GULP1: variants seen among roughly 807,000 people sequenced by gnomAD.
GULP1 encodes PTB domain-containing engulfment adapter protein 1.
In GULP1, 19 loss-of-function variants were observed where a neutral mutation model predicts 40.9. The observed-to-expected ratio is 0.46, with a 90% CI of 0.32 to 0.68. The LOEUF is 0.68. Ranked by LOEUF, GULP1 falls within the 30% of genes least tolerant of loss-of-function variation. The probability of loss-of-function intolerance (pLI) is 0.03; values close to 1 mark genes in which losing one functional copy is unlikely to be tolerated. For synonymous variants in GULP1, 119 were observed against 117.6 expected, an observed-to-expected ratio of 1.01 and a Z score of -0.08; for missense variants, 312 against 362.2, an observed-to-expected ratio of 0.86 and a Z score of 1.12.
chr2:188,540,303 A>T (rs1349707221), intron 6 of GULP1, among the ~76,000 whole-genome samples: 1 of 152,108 alleles, frequency 6.6e-6, no homozygotes, highest in African/African-American at 2.4e-5. Context: ...GATGATCTAT[A>T]TGAATATAAA....
At chr2:188,381,104 A>G (rs2048950005) in intron 1 of GULP1, among the ~76,000 whole-genome samples, 2 of 152,142 alleles carry the variant, frequency 1.3e-5, no homozygotes, top group African/African-American at 2.4e-5. Context: ...AAATAAAAAT[A>G]TGTTCAAAAG....
chr2:188,351,915 T>G (rs1221366980), intron 1 of GULP1, among the ~76,000 whole-genome samples: 1 of 152,200 alleles, frequency 6.6e-6, no homozygotes. Flanking sequence ...CTTTGTTAAA[T>G]AAAGAAGGCA....
chr2:188,567,546 C>T (rs1335055435), intron 7 of GULP1, among the ~76,000 whole-genome samples: 1 of 152,058 alleles, frequency 6.6e-6, no homozygotes, highest in East Asian at 1.9e-4. Flanking sequence ...GAACAGAAAA[C>T]CAAACACCAC....
chr2:188,306,620 G>A (rs755625991), intron 1 of GULP1, among the ~76,000 whole-genome samples: 4 of 152,158 alleles, frequency 2.6e-5, no homozygotes, highest in African/African-American at 7.2e-5. Context: ...TGAAAATAGA[G>A]CTAGAGAATA....
intron 1 of GULP1, among the ~76,000 whole-genome samples, chr2:188,331,193 A>T (rs1645502668): frequency 6.6e-6 from 1 of 152,118 alleles, no homozygotes; most frequent in Non-Finnish European, 1.5e-5. Context: ...GAGTCTTAGG[A>T]TCTTACAGTT....
intron 7 of GULP1, among the ~76,000 whole-genome samples, chr2:188,551,136 G>T (rs1693355119): frequency 6.6e-6 from 1 of 151,622 alleles, no homozygotes; most frequent in Non-Finnish European, 1.5e-5. Context: ...TTATGGAGTA[G>T]ATGTGAAACA....
At chr2:188,337,265 A>T (rs1323418096) in intron 1 of GULP1, among the ~76,000 whole-genome samples, 1 of 151,760 alleles carries the variant, frequency 6.6e-6, no homozygotes, top group Non-Finnish European at 1.5e-5. Context: ...CAGCCTCCTG[A>T]GTAGCTGGGA....
intron 4 of GULP1, among the ~76,000 whole-genome samples, chr2:188,492,131 T>C (rs1039381822): frequency 1.3e-5 from 2 of 152,054 alleles, no homozygotes; most frequent in Non-Finnish European, 2.9e-5. Flanking sequence ...TGCTGGGATA[T>C]GGTGTAATTC....
intron 1 of GULP1, among the ~76,000 whole-genome samples, chr2:188,381,468 T>G (rs1023312733): frequency 2.0e-5 from 3 of 152,162 alleles, no homozygotes; most frequent in African/African-American, 7.2e-5. Context: ...TTAGATCAAT[T>G]GAAGAGTTTT....
chr2:188,577,575 T>C (rs1354308433), intron 9 of GULP1, among the ~76,000 whole-genome samples: 4 of 152,134 alleles, frequency 2.6e-5, no homozygotes, highest in African/African-American at 9.6e-5. Context: ...TATGTTCCCA[T>C]TCCAGTTCTG....
intron 4 of GULP1, among the ~76,000 whole-genome samples, chr2:188,496,599 A>AT (rs1238755217): frequency 6.6e-6 from 1 of 151,912 alleles, no homozygotes; most frequent in Non-Finnish European, 1.5e-5. Context: ...AACCTTTAAA[A>AT]TTTAAGCAAT....
intron 2 of GULP1, among the ~76,000 whole-genome samples, chr2:188,432,531 T>G (rs2056984906): frequency 6.6e-6 from 1 of 152,020 alleles, no homozygotes; most frequent in African/African-American, 2.4e-5. Flanking sequence ...ACTGAATATC[T>G]TTTTTATCAA....
chr2:188,333,939 G>T (rs962802003), intron 1 of GULP1, among the ~76,000 whole-genome samples: 1 of 152,100 alleles, frequency 6.6e-6, no homozygotes, highest in Non-Finnish European at 1.5e-5. Context: ...CACATAGGCA[G>T]GGACTCCGTG....
intron 11 of GULP1, chr2:188,589,322 G>T (rs1033805398): frequency 6.5e-6 from 1 of 152,708 alleles, no homozygotes. Flanking sequence ...TATTTCAAAC[G>T]CTATGAAACT....
At chr2:188,548,409 T>C (rs1692532028) in intron 7 of GULP1, among the ~76,000 whole-genome samples, 2 of 152,100 alleles carry the variant, frequency 1.3e-5, no homozygotes, top group South Asian at 4.1e-4. Context: ...AAGTGAAATT[T>C]GTATGCTGAA....
rs578003996 is a variant in GULP1 at position 188,352,618 on chromosome 2, T to TCTCACACACACACACA, written c.-171-31144_-171-31143insTCACACACACACACAC. Among the ~76,000 whole-genome samples, 1,164 of 134,450 alleles carry TCTCACACACACACACA rather than the reference T, an allele frequency of 8.7e-3. 17 individuals are homozygous for TCTCACACACACACACA. Among genetic ancestry groups the TCTCACACACACACACA allele is most frequent in the East Asian group, 0.051 (217 of 4,288 alleles). 88.2% of individuals were successfully genotyped at this position (134,450 alleles called of 152,430 possible). ...TGCTCTCTTTCTCTCTCTCTCTCTC[T>TCTCACACACACACACA]CACACACACACACACACACACACAC... On this transcript the variant is annotated intron_variant, in intron 1 of 11. Coordinates refer to ENST00000409830, the MANE Select transcript of GULP1 (RefSeq NM_016315.4).
chr2:188,433,997 T>G (rs183334196), intron 2 of GULP1, among the ~76,000 whole-genome samples: 91 of 152,052 alleles, frequency 6.0e-4, no homozygotes, highest in Middle Eastern at 3.4e-3. Flanking sequence ...TCCCCCCACT[T>G]TTTTTTAACT....
At chr2:188,384,977 G>C (rs534453894) in intron 2 of GULP1, among the ~76,000 whole-genome samples, 2 of 152,282 alleles carry the variant, frequency 1.3e-5, no homozygotes, top group Admixed American at 1.3e-4. Context: ...TTGAGTGTCT[G>C]AGTCTTTTCC....
At chr2:188,442,974 A>G (rs1248484450) in intron 2 of GULP1, among the ~76,000 whole-genome samples, 1 of 152,220 alleles carries the variant, frequency 6.6e-6, no homozygotes, top group African/African-American at 2.4e-5. Flanking sequence ...GTGCATAAAC[A>G]GTCTTAGGAG....
Sources: allele counts gnomAD v4.1 joint callset (sites outside exome capture counted in the v4.1 genomes callset), GRCh38; gene constraint gnomAD v4.1.1; transcripts MANE v1.5; gene names NCBI Gene and HGNC (gene_info 2026-07-23, HGNC 2026-07-21).